The following NCKAP5 variants were observed in gnomAD, a reference collection of about 807,000 sequenced individuals.
NCKAP5 encodes nck-associated protein 5.
A neutral mutation model predicts 167.0 loss-of-function variants in NCKAP5; 92 were observed. The observed-to-expected ratio is 0.55, with a 90% CI of 0.47 to 0.66. NCKAP5 has a LOEUF of 0.66. Ranked by LOEUF, NCKAP5 falls within the 30% of genes least tolerant of loss-of-function variation. The pLI, the probability that NCKAP5 is intolerant of heterozygous loss-of-function variation, is 0.00. For synonymous variants in NCKAP5, 891 were observed against 877.4 expected (o/e 1.02, Z -0.27); for missense variants, 2,378 against 2,315.0 (o/e 1.03, Z -0.56).
chr2:133,424,685 G>T (rs1689683410), intron 3 of NCKAP5, among the ~76,000 whole-genome samples: 1 of 152,204 alleles, frequency 6.6e-6, no homozygotes, highest in Non-Finnish European at 1.5e-5. Flanking sequence ...GGTGTGGTCT[G>T]TAGGGCTAGC....
chr2:132,834,482 C>A (rs890556273), intron 11 of NCKAP5, among the ~76,000 whole-genome samples: 1 of 152,094 alleles, frequency 6.6e-6, no homozygotes, highest in Non-Finnish European at 1.5e-5. Flanking sequence ...GTACCTGGGA[C>A]TACAGGCACC....
At chr2:132,819,338 T>C (rs1386527767) in intron 11 of NCKAP5, among the ~76,000 whole-genome samples, 2 of 152,210 alleles carry the variant, frequency 1.3e-5, no homozygotes, top group Non-Finnish European at 2.9e-5. Flanking sequence ...AAATTAGCTT[T>C]CTTCTCATTG....
intron 6 of NCKAP5, among the ~76,000 whole-genome samples, chr2:133,080,414 T>C (rs1305259286): frequency 6.6e-6 from 1 of 152,140 alleles, no homozygotes; most frequent in Non-Finnish European, 1.5e-5. Context: ...GTTTTTCCTG[T>C]GCTTTATTTA....
chr2:133,567,010 A>G (rs886728678), intron 1 of NCKAP5, among the ~76,000 whole-genome samples: 3 of 152,206 alleles, frequency 2.0e-5, no homozygotes, highest in African/African-American at 7.2e-5. Context: ...ACTAGAGACA[A>G]GGAAAAGGTA....
intron 8 of NCKAP5, among the ~76,000 whole-genome samples, chr2:132,900,349 C>T (rs72614495): frequency 0.026 from 3,947 of 152,232 alleles, 150 homozygotes; most frequent in East Asian, 0.17. Context: ...TCACAAAGCA[C>T]AGTAAAATGA....
intron 19 of NCKAP5, among the ~76,000 whole-genome samples, chr2:132,717,302 C>G (rs1448478794): frequency 1.3e-5 from 2 of 152,182 alleles, no homozygotes; most frequent in Admixed American, 1.3e-4. Flanking sequence ...AAAGATAACT[C>G]TTACCTGTAG....
intron 19 of NCKAP5, among the ~76,000 whole-genome samples, chr2:132,674,747 T>G (rs1423334712): frequency 1.3e-5 from 2 of 152,204 alleles, no homozygotes; most frequent in African/African-American, 4.8e-5. Context: ...ACGGGCAGAA[T>G]TTCTCTGCTA....
chr2:133,442,082 T>C (rs1416794135), intron 3 of NCKAP5, among the ~76,000 whole-genome samples: 2 of 152,070 alleles, frequency 1.3e-5, no homozygotes, highest in Non-Finnish European at 2.9e-5. Flanking sequence ...AAATCCAGAA[T>C]GTGGAGAACA....
At chr2:133,612,862 C>T in the NCKAP5 span, among the ~76,000 whole-genome samples, 30 of 152,262 alleles carry the variant, frequency 2.0e-4, no homozygotes, top group Non-Finnish European at 2.9e-4. Flanking sequence ...CTCTTAAGCG[C>T]GGTTTGCTGA....
intron 11 of NCKAP5, among the ~76,000 whole-genome samples, chr2:132,857,171 C>CTT (rs61007850): frequency 0.039 from 5,763 of 148,002 alleles, 267 homozygotes; most frequent in East Asian, 0.13. Context: ...CTTCCATTAT[C>CTT]TTTTTTTTTT....
At chr2:132,780,115 A>G (rs1182081248) in intron 15 of NCKAP5, among the ~76,000 whole-genome samples, 1 of 152,146 alleles carries the variant, frequency 6.6e-6, no homozygotes, top group Non-Finnish European at 1.5e-5. Flanking sequence ...TGAAACTAGT[A>G]CACCCCAGGA....
intron 4 of NCKAP5, among the ~76,000 whole-genome samples, chr2:133,250,933 C>A (rs1289190370): frequency 8.1e-6 from 1 of 123,164 alleles, no homozygotes; most frequent in African/African-American, 2.7e-5. Context: ...CTGTCTCAAA[C>A]AAACAAACAA....
At chr2:133,264,306 T>C (rs140652771) in intron 4 of NCKAP5, among the ~76,000 whole-genome samples, 9 of 152,362 alleles carry the variant, frequency 5.9e-5, no homozygotes, top group Middle Eastern at 3.4e-3. Context: ...TTTGGTGGAA[T>C]CCTTGCTATT....
At chr2:132,928,649 G>A (rs1234040124) in intron 8 of NCKAP5, among the ~76,000 whole-genome samples, 1 of 152,150 alleles carries the variant, frequency 6.6e-6, no homozygotes, top group Non-Finnish European at 1.5e-5. Context: ...TGAGCTACCA[G>A]AGGAATTTTC....
At chr2:133,665,881 TG>T in the NCKAP5 span, among the ~76,000 whole-genome samples, 1 of 152,218 alleles carries the variant, frequency 6.6e-6, no homozygotes, top group Non-Finnish European at 1.5e-5. Flanking sequence ...ATAGCATTTT[TG>T]TTTATTTGAT....
intron 6 of NCKAP5, among the ~76,000 whole-genome samples, chr2:133,042,647 T>C (rs527494307): frequency 6.6e-6 from 1 of 152,318 alleles, no homozygotes; most frequent in African/African-American, 2.4e-5. Context: ...CTAGATGTTG[T>C]TTGTGTGTAT....
chr2:133,270,958 C>T (rs1278932460), intron 4 of NCKAP5, among the ~76,000 whole-genome samples: 6 of 139,698 alleles, frequency 4.3e-5, no homozygotes, highest in African/African-American at 1.1e-4. Context: ...CTCACTCTGT[C>T]GCCCAGGCTG....
intron 12 of NCKAP5, among the ~76,000 whole-genome samples, chr2:132,795,951 A>G (rs1259377345): frequency 6.6e-6 from 1 of 150,748 alleles, no homozygotes; most frequent in East Asian, 2.0e-4. Flanking sequence ...TATAGATTGG[A>G]TGCCATTAGG....
intron 8 of NCKAP5, among the ~76,000 whole-genome samples, chr2:132,902,948 GCTTTGGC>G (rs1693740282): frequency 6.6e-6 from 1 of 152,162 alleles, no homozygotes; most frequent in African/African-American, 2.4e-5. Context: ...AGGAGAGGTG[GCTTTGGC>G]ATCCACTTAT....
Sources: allele counts gnomAD v4.1 joint callset (sites outside exome capture counted in the v4.1 genomes callset), GRCh38; gene constraint gnomAD v4.1.1; transcripts MANE v1.5; gene names NCBI Gene and HGNC (gene_info 2026-07-23, HGNC 2026-07-21).